Variants in CNTLN observed in about 807,000 individuals in gnomAD.
CNTLN encodes the protein centlein.
Under a neutral mutation model 180.0 loss-of-function variants are expected in CNTLN, and 212 were observed. That is an observed-to-expected ratio of 1.18 (90% CI 1.05 to 1.32). CNTLN has a LOEUF of 1.32. CNTLN is among the 40% of genes most tolerant of loss of function. The pLI, the probability that CNTLN is intolerant of heterozygous loss-of-function variation, is 0.00. For synonymous variants in CNTLN, 722 were observed against 563.1 expected, an observed-to-expected ratio of 1.28 and a Z score of -3.99; for missense variants, 2,095 against 1,610.9, an observed-to-expected ratio of 1.30 and a Z score of -5.14.
intron 9 of CNTLN, 79 bp downstream of exon 9, chr9:17,330,887 A>G: frequency 8.0e-7 from 1 of 1,249,186 alleles, no homozygotes; most frequent in Non-Finnish European, 1.1e-6. Context: ...AACAAATGGC[A>G]GCATTTACTT....
chr9:17,402,959 A>T (rs899379065), intron 15 of CNTLN, among the ~76,000 whole-genome samples: 2 of 151,688 alleles, frequency 1.3e-5, no homozygotes, highest in Non-Finnish European at 2.9e-5. Flanking sequence ...ACCCTGACTA[A>T]TCCACCTCTC....
intron 2 of CNTLN, among the ~76,000 whole-genome samples, chr9:17,160,484 C>G (rs1819605028): frequency 6.6e-6 from 1 of 152,148 alleles, no homozygotes; most frequent in African/African-American, 2.4e-5. Context: ...ACCTTTTGGA[C>G]TCTTTGAACA....
intron 18 of CNTLN, among the ~76,000 whole-genome samples, chr9:17,425,081 C>A (rs982199777): frequency 3.9e-5 from 6 of 152,094 alleles, no homozygotes; most frequent in Middle Eastern, 3.2e-3. Flanking sequence ...ACAGAGTAAC[C>A]TTTATCATTC....
intron 25 of CNTLN, among the ~76,000 whole-genome samples, chr9:17,497,473 C>G (rs550197774): frequency 1.2e-4 from 19 of 152,242 alleles, no homozygotes; most frequent in African/African-American, 4.3e-4. Context: ...AAGTAAGTTA[C>G]CAAGCATCTC....
intron 2 of CNTLN, among the ~76,000 whole-genome samples, chr9:17,189,747 A>C (rs998033407): frequency 6.6e-6 from 1 of 151,932 alleles, no homozygotes; most frequent in African/African-American, 2.4e-5. Context: ...TCAGCCTCCC[A>C]AAGTGTTGGG....
chr9:17,229,535 T>C (rs1480919371), intron 3 of CNTLN, among the ~76,000 whole-genome samples: 1 of 152,104 alleles, frequency 6.6e-6, no homozygotes, highest in Non-Finnish European at 1.5e-5. Context: ...TTATGTTACA[T>C]TGCAAATCCT....
rs747794050 is a variant in CNTLN, at chr9:17,135,197, A to G, written c.132A>G (p.Ala44=). The part of the protein sequence containing the change: ...MRSEASGFAG[A]AREVVADESD... ...GCGAGGCCTCGGGTTTTGCCGGCGC[A>G]GCGCGGGAGGTGGTCGCGGACGAAA... The change falls in exon 1 of 26, where the codon GCA becomes GCG. Residue 44 remains alanine, a synonymous_variant. Transcript: ENST00000380647. 6.2e-7 allele frequency: 1 copy of G among 1,610,818 alleles called. No homozygotes were observed. The highest frequency in any genetic ancestry group is 2.2e-5 in the East Asian group (1 of 44,740).
intron 18 of CNTLN, among the ~76,000 whole-genome samples, chr9:17,433,020 C>CA (rs557721017): frequency 0.76 from 77,282 of 102,188 alleles, 29,788 homozygotes; most frequent in Non-Finnish European, 0.84. Flanking sequence ...GACTCTGTCT[C>CA]AAAAAAAAAA....
At chr9:17,367,648 A>G (rs1823941437) in intron 13 of CNTLN, among the ~76,000 whole-genome samples, 1 of 152,162 alleles carries the variant, frequency 6.6e-6, no homozygotes, top group African/African-American at 2.4e-5. Flanking sequence ...CATCTTGGAC[A>G]GCAGCTCAGC....
chr9:17,216,785 C>G (rs1823786962), intron 2 of CNTLN, among the ~76,000 whole-genome samples: 1 of 152,164 alleles, frequency 6.6e-6, no homozygotes, highest in Non-Finnish European at 1.5e-5. Context: ...TGTACCCTGT[C>G]CCATGTGTAT....
rs576700896 is a variant in CNTLN, at chr9:17,177,410, A to G, written c.449+34034A>G. 3.3e-4 allele frequency among the ~76,000 whole-genome samples: 50 copies of G among 150,662 alleles called. 1 individual carries two copies. Among genetic ancestry groups the G allele is most frequent in the African/African-American group, 1.2e-3 (49 of 41,220 alleles). On this transcript the variant is annotated intron_variant, in intron 2 of 25. Coordinates refer to ENST00000380647, the MANE Select transcript of CNTLN (RefSeq NM_017738.4). ...GGCGACAGAACAAGACTCTGTCTCA[A>G]AAAAAAAAAAATTATTTTCAGTTTC...
chr9:17,511,186 T>C, the CNTLN span, among the ~76,000 whole-genome samples: 1 of 152,190 alleles, frequency 6.6e-6, no homozygotes, highest in Admixed American at 6.5e-5. Flanking sequence ...GTGGTCTTTT[T>C]AGAAAGCATG....
At chr9:17,216,261 T>G (rs1283804555) in intron 2 of CNTLN, among the ~76,000 whole-genome samples, 1 of 152,238 alleles carries the variant, frequency 6.6e-6, no homozygotes, top group Non-Finnish European at 1.5e-5. Flanking sequence ...TAACTGGATT[T>G]GTAATCCTGG....
At chr9:17,188,709 T>G (rs1415529359) in intron 2 of CNTLN, among the ~76,000 whole-genome samples, 1 of 152,182 alleles carries the variant, frequency 6.6e-6, no homozygotes, top group East Asian at 1.9e-4. Context: ...ATATGTTTCA[T>G]ATAAGATTCT....
chr9:17,396,065 C>T (rs1411398394), intron 15 of CNTLN, among the ~76,000 whole-genome samples: 1 of 152,204 alleles, frequency 6.6e-6, no homozygotes, highest in Non-Finnish European at 1.5e-5. Context: ...ACACTCGCAC[C>T]AGCGCCATGA....
At chr9:17,316,775 T>G (rs1819565947) in intron 8 of CNTLN, among the ~76,000 whole-genome samples, 1 of 152,150 alleles carries the variant, frequency 6.6e-6, no homozygotes, top group South Asian at 2.1e-4. Flanking sequence ...TTTAATCCCT[T>G]TGTTTTTCTT....
intron 2 of CNTLN, among the ~76,000 whole-genome samples, chr9:17,204,198 C>T (rs1167245575): frequency 6.6e-6 from 1 of 152,120 alleles, no homozygotes; most frequent in Non-Finnish European, 1.5e-5. Context: ...AGTTTTGTGC[C>T]TGTGGAGATG....
At chr9:17,322,428 T>C (rs1819982633) in intron 8 of CNTLN, among the ~76,000 whole-genome samples, 1 of 152,100 alleles carries the variant, frequency 6.6e-6, no homozygotes. Context: ...ATTTCTGCTA[T>C]AAAAAGAAGG....
rs957279273 is a variant in CNTLN at position 17,180,592 on chromosome 9, A to C, written c.449+37216A>C. On this transcript the variant is annotated intron_variant, in intron 2 of 25. Transcript: ENST00000380647. ...ATTTAGAAAACTGAAGAAGACAAGG[A>C]AAGTCTGTTGTATTTATGCAGATTT... Among the ~76,000 whole-genome samples the C allele has an allele frequency of 3.2e-4, 49 of 152,046 alleles. 1 individual carries two copies. Among genetic ancestry groups the C allele is most frequent in the Admixed American group, 2.4e-3 (37 of 15,264 alleles).
Sources: gnomAD v4.1 joint callset for allele counts (sites outside exome capture counted in the v4.1 genomes callset) on GRCh38, gnomAD v4.1.1 for gene constraint, MANE v1.5 for transcripts, NCBI Gene and HGNC (gene_info 2026-07-23, HGNC 2026-07-21) for gene names.